Variants in FBXO36 observed in about 807,000 individuals in gnomAD.
The protein encoded by FBXO36 is F-box only protein 36.
Under a neutral mutation model 17.0 loss-of-function variants are expected in FBXO36, and 18 were observed. The observed-to-expected ratio is 1.06, with a 90% confidence interval of 0.73 to 1.57. The LOEUF (loss-of-function observed/expected upper bound fraction) is 1.57. Among genes scored for constraint, FBXO36 ranks in the 40% most tolerant of loss-of-function variants. The probability of loss-of-function intolerance (pLI) is 0.00; values close to 1 mark genes in which losing one functional copy is unlikely to be tolerated. For synonymous variants in FBXO36, 83 were observed against 85.3 expected (o/e 0.97, Z 0.15); for missense variants, 229 against 221.9 (o/e 1.03, Z -0.20).
intron 1 of FBXO36, among the ~76,000 whole-genome samples, chr2:229,934,122 C>T (rs191475677): frequency 2.6e-5 from 4 of 152,164 alleles, no homozygotes; most frequent in Admixed American, 6.5e-5. Flanking sequence ...TATTGTGCAG[C>T]CGGGTGCGGT....
intron 1 of FBXO36, among the ~76,000 whole-genome samples, chr2:229,930,218 A>G (rs1261960326): frequency 2.0e-5 from 3 of 151,768 alleles, no homozygotes; most frequent in Non-Finnish European, 2.9e-5. Context: ...TGGTGACATG[A>G]GCCTGTAGTC....
intron 2 of FBXO36, among the ~76,000 whole-genome samples, chr2:229,987,221 A>G (rs1207612426): frequency 6.6e-6 from 1 of 152,158 alleles, no homozygotes; most frequent in East Asian, 1.9e-4. Context: ...CAAAAAAAAA[A>G]AAAAAAGAAC....
chr2:229,949,620 G>A (rs1203938942), intron 1 of FBXO36, among the ~76,000 whole-genome samples: 2 of 151,722 alleles, frequency 1.3e-5, no homozygotes, highest in Non-Finnish European at 2.9e-5. Context: ...ATGTCTATAA[G>A]TATAAAAATA....
At chr2:229,997,663 C>T (rs776642340) in intron 3 of FBXO36, among the ~76,000 whole-genome samples, 8 of 151,936 alleles carry the variant, frequency 5.3e-5, no homozygotes, top group Non-Finnish European at 1.2e-4. Context: ...ATAGCCTTTG[C>T]TGCATTTCCT....
At position 229,951,222 on chromosome 2, in the gene FBXO36, C is replaced by T. The variant is rs140328689; in HGVS notation, c.97-25019C>T. The stretch of plus-strand genomic sequence containing the variant: ...TGCTAGGATTACAGGCGTGAGCCAC[C>T]GCGCCCGTCCCAGGCAACTTTTTTT... On this transcript the variant is annotated intron_variant, in intron 1 of 3. Coordinates refer to ENST00000283946, the MANE Select transcript of FBXO36 (RefSeq NM_174899.5). Among the ~76,000 whole-genome samples, 999 of 151,988 alleles carry T rather than the reference C, an allele frequency of 6.6e-3. 14 individuals are homozygous for T. The highest frequency in any genetic ancestry group is 0.022 in the African/African-American group (920 of 41,468).
chr2:229,938,388 A>AT (rs1320922069), intron 1 of FBXO36, among the ~76,000 whole-genome samples: 1 of 99,266 alleles, frequency 1.0e-5, no homozygotes, highest in Middle Eastern at 0.011. Flanking sequence ...TGCCCGGCTA[A>AT]TTTTTGTATT....
chr2:229,969,549 G>A (rs912290613), intron 1 of FBXO36, among the ~76,000 whole-genome samples: 7 of 152,054 alleles, frequency 4.6e-5, no homozygotes, highest in Non-Finnish European at 8.8e-5. Flanking sequence ...TTAGCCGGGC[G>A]TGGTGGCACA....
intron 1 of FBXO36, among the ~76,000 whole-genome samples, chr2:229,975,036 A>G (rs907157654): frequency 1.3e-5 from 2 of 152,206 alleles, no homozygotes; most frequent in Middle Eastern, 3.2e-3. Context: ...GTTTAAAAAC[A>G]TAATATAAGA....
At chr2:229,932,035 GC>G (rs1036407422) in intron 1 of FBXO36, among the ~76,000 whole-genome samples, 17 of 151,000 alleles carry the variant, frequency 1.1e-4, no homozygotes, top group African/African-American at 3.4e-4. Flanking sequence ...ACCCACTTTA[GC>G]CCCCTGAAAA....
chr2:229,998,609 C>T (rs1042210589), intron 3 of FBXO36, among the ~76,000 whole-genome samples: 17 of 144,868 alleles, frequency 1.2e-4, no homozygotes, highest in Admixed American at 1.1e-3. Context: ...GCAACAAGAG[C>T]GAAACTCAGT....
chr2:229,959,862 C>T (rs1221919908), intron 1 of FBXO36, among the ~76,000 whole-genome samples: 3 of 151,576 alleles, frequency 2.0e-5, no homozygotes, highest in African/African-American at 2.4e-5. Context: ...AAAAAGAATA[C>T]TGCCAAAGTT....
At chr2:229,999,666 C>T (rs189188417) in intron 3 of FBXO36, among the ~76,000 whole-genome samples, 3 of 151,792 alleles carry the variant, frequency 2.0e-5, no homozygotes, top group African/African-American at 4.8e-5. Flanking sequence ...GTGTGAGCCA[C>T]CTTCCTGTCC....
intron 2 of FBXO36, among the ~76,000 whole-genome samples, chr2:229,995,588 C>T (rs990343165): frequency 2.9e-4 from 35 of 121,312 alleles, no homozygotes; most frequent in East Asian, 4.4e-4. Flanking sequence ...CTTTCTCTTT[C>T]TTTCTTTCTT....
chr2:229,934,288 C>G (rs932336862), intron 1 of FBXO36, among the ~76,000 whole-genome samples: 14 of 152,084 alleles, frequency 9.2e-5, no homozygotes, highest in Admixed American at 2.0e-4. Flanking sequence ...GTAGTCCCAG[C>G]TACTCGGGAG....
At chr2:229,961,357 A>G (rs967509603) in intron 1 of FBXO36, among the ~76,000 whole-genome samples, 1 of 151,884 alleles carries the variant, frequency 6.6e-6, no homozygotes, top group Non-Finnish European at 1.5e-5. Context: ...TTTCTTGGCA[A>G]TTTTCACACA....
At chr2:229,939,168 T>C (rs1577329948) in intron 1 of FBXO36, 1 of 924,676 alleles carries the variant, frequency 1.1e-6, no homozygotes, top group African/African-American at 1.8e-5. Context: ...ATTCTCCTGC[T>C]TCAGCCTCCC....
At chr2:229,954,336 G>C (rs2077073649) in intron 1 of FBXO36, among the ~76,000 whole-genome samples, 1 of 134,866 alleles carries the variant, frequency 7.4e-6, no homozygotes, top group Admixed American at 8.5e-5. Context: ...TCCGCCCCCT[G>C]GGTTCAAGCA....
In FBXO36 at chr2:230,010,969, GAACTAA is replaced by G; in HGVS notation, c.*86_*91del. The G allele has an allele frequency of 3.6e-6, 5 of 1,376,994 alleles. No homozygotes were observed. In the South Asian group the frequency reaches 6.0e-5, roughly 16 times the overall value. 85.3% of individuals were successfully genotyped at this position (1,376,994 alleles called of 1,614,324 possible). A position where few individuals can be genotyped will look rare whatever the true frequency, so the allele number is the denominator to read the frequency against. On this transcript the variant is annotated 3_prime_UTR_variant, in exon 4 of 4. Coordinates refer to ENST00000283946, the MANE Select transcript of FBXO36 (RefSeq NM_174899.5). ...AATCTCTTCTGTCTCCTTTTCTTAAGAACTAAGAGGTTTTGTTGATGCGTGGAGCCA... is the reference window on the plus strand; with the variant it reads ...AATCTCTTCTGTCTCCTTTTCTTAAGGAGGTTTTGTTGATGCGTGGAGCCA...
chr2:229,959,348 C>T lies in FBXO36; in HGVS notation c.97-16893C>T, dbSNP rs187713116. ...TCATTTTCTTTTGGAAAGATTTTGA[C>T]CATTGGTATTTATACTTTACTTACG... On this transcript the variant is annotated intron_variant, in intron 1 of 3. Transcript: ENST00000283946. Among the ~76,000 whole-genome samples the T allele has an allele frequency of 6.3e-4, 96 of 152,068 alleles. 1 individual carries two copies. The highest frequency in any genetic ancestry group is 1.0e-3 in the Non-Finnish European group (69 of 68,006).
Sources: gnomAD v4.1 joint callset for allele counts (sites outside exome capture counted in the v4.1 genomes callset) on GRCh38, gnomAD v4.1.1 for gene constraint, MANE v1.5 for transcripts, NCBI Gene and HGNC (gene_info 2026-07-23, HGNC 2026-07-21) for gene names.